The following SMARCC1 variants were observed in gnomAD, a reference collection of about 807,000 sequenced individuals.
SMARCC1 encodes the protein SWI/SNF related BAF chromatin remodeling complex subunit C1, also known as SWI/SNF complex subunit SMARCC1.
Under a neutral mutation model 147.4 loss-of-function variants are expected in SMARCC1, and 43 were observed. That is an observed-to-expected ratio of 0.29 (90% CI 0.23 to 0.38). The LOEUF is 0.38. Among genes scored for constraint, SMARCC1 ranks in the 10% least tolerant of loss-of-function variants. SMARCC1 has a pLI of 1.00. For synonymous variants in SMARCC1, 495 were observed against 484.4 expected (o/e 1.02, Z -0.29); for missense variants, 1,119 against 1,381.1 (o/e 0.81, Z 3.01).
rs1407547364 is a variant in SMARCC1 at position 47,738,049 on chromosome 3, T to C, written c.463A>G (p.Ile155Val). ...MDRNVEMFMN[I>V]EKTLVQNNCL... is the part of the protein sequence containing the mutation. ...GTTACCTGCACCAATGTTTTTTCAA[T>C]GTTCATAAACATTTCCACATTACGA... The change falls in exon 4 of 28, where the codon ATT (isoleucine) becomes GTT (valine). Residue 155 changes from isoleucine (I) to valine (V), a missense_variant. Physicochemically the swap from Ile to Val is conservative, Grantham distance 29. Coordinates refer to ENST00000254480, the MANE Select transcript of SMARCC1 (RefSeq NM_003074.4). 10 of 1,598,832 alleles carry C rather than the reference T, an allele frequency of 6.3e-6. No homozygotes were observed. Among genetic ancestry groups the C allele is most frequent in the African/African-American group, 1.4e-5 (1 of 74,036 alleles).
chr3:47,712,009 G>GAT (rs1395743492), intron 8 of SMARCC1, among the ~76,000 whole-genome samples: 1 of 152,164 alleles, frequency 6.6e-6, no homozygotes, highest in African/African-American at 2.4e-5. Context: ...GAGGCGGGCA[G>GAT]ATCACCTGAG....
chr3:47,668,363 T>C (rs936204381), intron 19 of SMARCC1, among the ~76,000 whole-genome samples: 3 of 152,210 alleles, frequency 2.0e-5, no homozygotes, highest in African/African-American at 4.8e-5. Context: ...AATTTCTTTT[T>C]AAAACGTTAA....
Position 47,661,374 on chromosome 3 carries a change from G to A in SMARCC1, c.2240C>T (p.Ala747Val). 6.2e-7 allele frequency: 1 copy of A among 1,613,688 alleles called. No individual in the cohort carries two copies. The highest frequency in any genetic ancestry group is 1.3e-5 in the African/African-American group (1 of 75,018). The stretch of plus-strand genomic sequence containing the variant: ...GTAGGTGGGATCCACTTTCCCAGAG[G>A]CTCGTGCTGCTTCTTGTACTTTCTT... ...HVKKVQEAAR[A>V]SGKVDPTYGL... The change falls in exon 21 of 28, where the codon GCC (alanine) becomes GTC (valine). Residue 747 changes from alanine to valine, a missense_variant. By Grantham distance (64) the Ala-to-Val change is moderately conservative (BLOSUM62 0). Coordinates refer to ENST00000254480, the MANE Select transcript of SMARCC1 (RefSeq NM_003074.4).
chr3:47,777,872 G>A (rs2034994347), intron 1 of SMARCC1, among the ~76,000 whole-genome samples: 1 of 151,808 alleles, frequency 6.6e-6, no homozygotes, highest in Non-Finnish European at 1.5e-5. Context: ...ATTCTGATTA[G>A]ATTTTTTTTC....
chr3:47,666,756 A>G (rs1054673501), intron 19 of SMARCC1, among the ~76,000 whole-genome samples: 1 of 152,036 alleles, frequency 6.6e-6, no homozygotes, highest in Non-Finnish European at 1.5e-5. Flanking sequence ...CTCATCAGCT[A>G]TTGTTAGTGT....
intron 26 of SMARCC1, among the ~76,000 whole-genome samples, chr3:47,597,569 G>A (rs1255057707): frequency 6.6e-6 from 1 of 151,976 alleles, no homozygotes; most frequent in African/African-American, 2.4e-5. Context: ...CTCATGATCC[G>A]CCTGCCTCGG....
rs1237652441 is a variant in SMARCC1, at chr3:47,706,436, T to A, written c.1013A>T (p.Glu338Val). The A allele has an allele frequency of 6.3e-7, 1 of 1,578,398 alleles. No individual in the cohort carries two copies. Among genetic ancestry groups the A allele is most frequent in the Admixed American group, 1.9e-5 (1 of 52,106 alleles). The change falls in exon 10 of 28, where the codon GAA (glutamate) becomes GTA (valine). Residue 338 changes from glutamate to valine, a missense_variant. By Grantham distance (121) the Glu-to-Val change is moderately radical (BLOSUM62 -2). Transcript: ENST00000254480. ...TTTCTTCCCACTCTTCTTCCGTGAT[T>A]CTGTTGGTGTCGGAGGGGGAGGCGA... is the stretch of plus-strand genomic sequence containing the variant. ...SPSPPPPTPT[E>V]SRKKSGKKGQ...
At chr3:47,739,903 G>A (rs2034488684) in intron 3 of SMARCC1, among the ~76,000 whole-genome samples, 1 of 152,050 alleles carries the variant, frequency 6.6e-6, no homozygotes, top group Admixed American at 6.6e-5. Context: ...TTTAAATGGA[G>A]TCCCACTCTA....
intron 15 of SMARCC1, 105 bp downstream of exon 15, chr3:47,680,332 A>T: frequency 1.3e-6 from 1 of 769,932 alleles, no homozygotes; most frequent in Non-Finnish European, 2.3e-6. Context: ...TGAAAGGAGT[A>T]TTTGCAAACT....
chr3:47,746,954 T>C (rs938936804), intron 2 of SMARCC1, among the ~76,000 whole-genome samples: 1 of 151,920 alleles, frequency 6.6e-6, no homozygotes, highest in South Asian at 2.1e-4. Flanking sequence ...GGTCTCGAAC[T>C]CCCAACCTCA....
In SMARCC1 at chr3:47,769,749, G is replaced by T. The variant is rs186793205; in HGVS notation, c.315+3068C>A. Among the ~76,000 whole-genome samples, 407 of 152,268 alleles carry T rather than the reference G, an allele frequency of 2.7e-3. 1 individual carries two copies. The highest frequency in any genetic ancestry group is 3.6e-3 in the Non-Finnish European group (248 of 68,016). Reference sequence around the variant, plus strand: ...ATAAAGTATTTGTTTGTATTCTTAGGACCCTGCACCTAATCAAATTCTTAA... The same window carrying T: ...ATAAAGTATTTGTTTGTATTCTTAGTACCCTGCACCTAATCAAATTCTTAA... On this transcript the variant is annotated intron_variant, in intron 2 of 27. Transcript: ENST00000254480.
chr3:47,619,601 T>A (rs757449131), intron 25 of SMARCC1, among the ~76,000 whole-genome samples: 1 of 152,160 alleles, frequency 6.6e-6, no homozygotes, highest in Non-Finnish European at 1.5e-5. Flanking sequence ...GAAGCCTGCA[T>A]TTGGTCCAGC....
chr3:47,594,052 C>G (rs1377437757), intron 26 of SMARCC1, among the ~76,000 whole-genome samples: 1 of 151,834 alleles, frequency 6.6e-6, no homozygotes, highest in Non-Finnish European at 1.5e-5. Flanking sequence ...GTAATCTCAG[C>G]TACTTGAGAG....
intron 24 of SMARCC1, among the ~76,000 whole-genome samples, chr3:47,625,355 C>G (rs2032793831): frequency 6.6e-6 from 1 of 151,974 alleles, no homozygotes; most frequent in Admixed American, 6.5e-5. Flanking sequence ...AAAGACCAGC[C>G]TCCCAAGTAG....
At chr3:47,742,344 C>T (rs2106836656) in intron 3 of SMARCC1, among the ~76,000 whole-genome samples, 1 of 151,916 alleles carries the variant, frequency 6.6e-6, no homozygotes, top group African/African-American at 2.4e-5. Flanking sequence ...AATCTCTGGG[C>T]ATGTGGGCAC....
intron 10 of SMARCC1, among the ~76,000 whole-genome samples, chr3:47,703,852 A>G (rs2033957019): frequency 6.6e-6 from 1 of 152,210 alleles, no homozygotes; most frequent in Non-Finnish European, 1.5e-5. Context: ...GCTAGAGTGC[A>G]GTGGCGCGAT....
At chr3:47,614,793 G>T (rs1217661724) in intron 25 of SMARCC1, among the ~76,000 whole-genome samples, 1 of 152,180 alleles carries the variant, frequency 6.6e-6, no homozygotes, top group Non-Finnish European at 1.5e-5. Context: ...CTGTAAGGAA[G>T]ATCACTTCAG....
intron 5 of SMARCC1, among the ~76,000 whole-genome samples, chr3:47,733,524 T>C (rs1230010870): frequency 6.6e-6 from 1 of 151,974 alleles, no homozygotes; most frequent in South Asian, 2.1e-4. Context: ...GGGCAGATCA[T>C]GAAGTCAGGA....
rs532224404 is a variant in SMARCC1 at position 47,737,908 on chromosome 3, T to C, written c.483+121A>G. On this transcript the variant is annotated intron_variant, in intron 4 of 27. Transcript: ENST00000254480. ...CGATCTCCTGACCTCGTGATCCGCC[T>C]TGCCTCGGCCTCCCAAAGTGCTGGG... The C allele has an allele frequency of 6.1e-6, 3 of 494,320 alleles. No homozygotes were observed. In the Admixed American group the frequency reaches 1.2e-4, roughly 20 times the overall value. The allele number at this position is 494,320 out of a possible 1,614,324, so 30.6% of individuals were successfully genotyped here. A position where few individuals can be genotyped will look rare whatever the true frequency, so the allele number is the denominator to read the frequency against.
Sources: allele counts gnomAD v4.1 joint callset (sites outside exome capture counted in the v4.1 genomes callset), GRCh38; gene constraint gnomAD v4.1.1; transcripts MANE v1.5; gene names NCBI Gene and HGNC (gene_info 2026-07-23, HGNC 2026-07-21).